Variants in HDAC9 observed in about 807,000 individuals in gnomAD.
HDAC9 encodes histone deacetylase 9.
In HDAC9, 41 loss-of-function variants were observed where a neutral mutation model predicts 139.4. The observed-to-expected ratio is 0.29, with a 90% CI of 0.23 to 0.38. HDAC9 has a LOEUF of 0.38. HDAC9 is among the 10% of genes least tolerant of loss of function. The pLI is 1.00. For synonymous variants in HDAC9, 517 were observed against 476.2 expected (o/e 1.09, Z -1.12); for missense variants, 1,147 against 1,297.0 (o/e 0.88, Z 1.78).
chr7:18,653,489 C>G (rs1790040102), intron 11 of HDAC9, among the ~76,000 whole-genome samples: 1 of 152,018 alleles, frequency 6.6e-6, no homozygotes, highest in Non-Finnish European at 1.5e-5. Flanking sequence ...TCAGCCAACA[C>G]TTTTTTAAAA....
At chr7:18,913,317 A>T (rs1802899248) in intron 22 of HDAC9, among the ~76,000 whole-genome samples, 1 of 152,084 alleles carries the variant, frequency 6.6e-6, no homozygotes, top group Non-Finnish European at 1.5e-5. Flanking sequence ...TTGATGCACA[A>T]ATGTTTTTCA....
chr7:18,858,612 G>A (rs1797865995), intron 21 of HDAC9, among the ~76,000 whole-genome samples: 1 of 152,146 alleles, frequency 6.6e-6, no homozygotes, highest in South Asian at 2.1e-4. Flanking sequence ...TTCCTATCTA[G>A]AATGTTTGAA....
chr7:18,379,788 A>G (rs1785276425), intron 1 of HDAC9, among the ~76,000 whole-genome samples: 1 of 152,196 alleles, frequency 6.6e-6, no homozygotes. Context: ...GCAAATAATT[A>G]TAAGGTCTCT....
intron 2 of HDAC9, among the ~76,000 whole-genome samples, chr7:18,526,269 T>A (rs1806879414): frequency 6.6e-6 from 1 of 152,168 alleles, no homozygotes; most frequent in African/African-American, 2.4e-5. Context: ...ATTAGACTGA[T>A]ATACAAGTCT....
intron 21 of HDAC9, among the ~76,000 whole-genome samples, chr7:18,852,893 T>C (rs1414990364): frequency 6.6e-5 from 10 of 152,074 alleles, no homozygotes. Flanking sequence ...TAAGGTAGAT[T>C]TTTAAAAATA....
chr7:18,232,986 G>C (rs1793567554), intron 2 of HDAC9, among the ~76,000 whole-genome samples: 1 of 152,052 alleles, frequency 6.6e-6, no homozygotes, highest in Non-Finnish European at 1.5e-5. Context: ...ATATCTAGGA[G>C]ACTCAATTAA....
At chr7:18,924,602 C>T (rs1478927893) in intron 22 of HDAC9, among the ~76,000 whole-genome samples, 2 of 152,040 alleles carry the variant, frequency 1.3e-5, no homozygotes, top group Non-Finnish European at 2.9e-5. Flanking sequence ...TAGAAGGCAG[C>T]GGTTTTGTTT....
intron 2 of HDAC9, among the ~76,000 whole-genome samples, chr7:18,270,291 A>C (rs1021657419): frequency 4.0e-5 from 3 of 75,704 alleles, no homozygotes; most frequent in Admixed American, 3.2e-4. Flanking sequence ...TGTTTGTAGA[A>C]ATTAAACAAA....
At chr7:18,367,864 T>C (rs538433341) in intron 1 of HDAC9, among the ~76,000 whole-genome samples, 1 of 152,274 alleles carries the variant, frequency 6.6e-6, no homozygotes, top group South Asian at 2.1e-4. Context: ...GATTTTTTCA[T>C]TTTTGTCGTT....
intron 2 of HDAC9, among the ~76,000 whole-genome samples, chr7:18,173,050 G>T (rs1052215607): frequency 3.9e-5 from 6 of 152,154 alleles, no homozygotes; most frequent in Non-Finnish European, 7.3e-5. Context: ...TAACAGTGGG[G>T]TGTTAAAGTC....
At position 18,459,315 on chromosome 7, in the gene HDAC9, A is replaced by G. The variant is rs1793632427; in HGVS notation, c.-41-36947A>G. Reference sequence around the variant, plus strand: ...TAAGAATTAACTCCTCTTCCCAGAAAAGTGTAATAGAAGGATACTATAGTG... The same window carrying G: ...TAAGAATTAACTCCTCTTCCCAGAAGAGTGTAATAGAAGGATACTATAGTG... On this transcript the variant is annotated intron_variant, in intron 1 of 3. Coordinates refer to the HDAC9 transcript ENST00000413509. Among the ~76,000 whole-genome samples the G allele has an allele frequency of 2.0e-5, 3 of 152,180 alleles. No homozygotes were observed. The East Asian group carries it at 5.8e-4, about 29-fold the overall frequency.
chr7:18,388,873 T>C (rs1167988509), intron 1 of HDAC9, among the ~76,000 whole-genome samples: 4 of 152,226 alleles, frequency 2.6e-5, no homozygotes, highest in Non-Finnish European at 5.9e-5. Context: ...GCAGTGTAAT[T>C]TTTCAGCTCT....
chr7:18,854,082 CA>C (rs574827890), intron 21 of HDAC9, among the ~76,000 whole-genome samples: 3 of 152,174 alleles, frequency 2.0e-5, no homozygotes, highest in African/African-American at 7.2e-5. Flanking sequence ...TTTTTAAAAA[CA>C]AGGTTAAGAA....
At chr7:18,573,940 G>C (rs1299044370) in intron 2 of HDAC9, among the ~76,000 whole-genome samples, 4 of 152,292 alleles carry the variant, frequency 2.6e-5, no homozygotes, top group East Asian at 1.9e-4. Flanking sequence ...CAAGCGGGAG[G>C]GTGTGTTTCA....
chr7:18,134,917 T>C (rs1785281258), intron 1 of HDAC9, among the ~76,000 whole-genome samples: 1 of 152,176 alleles, frequency 6.6e-6, no homozygotes, highest in African/African-American at 2.4e-5. Flanking sequence ...TAGCATTGAA[T>C]CAAACTATGA....
intron 1 of HDAC9, among the ~76,000 whole-genome samples, chr7:18,440,290 T>C (rs1272366678): frequency 6.6e-6 from 1 of 151,958 alleles, no homozygotes; most frequent in African/African-American, 2.4e-5. Context: ...GTTAAAGTTA[T>C]TCTCCTGCCT....
At chr7:18,960,846 A>G (rs1367322461) in intron 24 of HDAC9, among the ~76,000 whole-genome samples, 2 of 152,074 alleles carry the variant, frequency 1.3e-5, no homozygotes, top group African/African-American at 4.8e-5. Context: ...GAGAAAATCC[A>G]AATTGTTTCT....
chr7:18,188,843 TA>T (rs141192628), intron 2 of HDAC9, among the ~76,000 whole-genome samples: 133,472 of 152,176 alleles, frequency 0.88, 58,883 homozygotes, highest in African/African-American at 0.97. Context: ...CAGGAAACAA[TA>T]AGATGCTGGC....
At chr7:18,908,270 C>T (rs1369753715) in intron 22 of HDAC9, among the ~76,000 whole-genome samples, 2 of 151,912 alleles carry the variant, frequency 1.3e-5, no homozygotes, top group Admixed American at 1.3e-4. Flanking sequence ...CATAATTGTA[C>T]ATGGTTATAT....
Sources: allele counts gnomAD v4.1 joint callset (sites outside exome capture counted in the v4.1 genomes callset), GRCh38; gene constraint gnomAD v4.1.1; transcripts MANE v1.5; gene names NCBI Gene and HGNC (gene_info 2026-07-23, HGNC 2026-07-21).